Variants in TENT2 observed in about 807,000 individuals in gnomAD.
TENT2 encodes the protein terminal nucleotidyltransferase 2, also known as poly(A) RNA polymerase GLD2.
TENT2 carries 44 observed loss-of-function variants against 72.2 expected under a neutral mutation model. That is an observed-to-expected ratio of 0.61 (90% CI 0.48 to 0.78). TENT2 has a LOEUF of 0.78. TENT2 is among the 30% of genes least tolerant of loss of function. The pLI is 0.00. For missense variants in TENT2, 541 were observed against 569.6 expected (o/e 0.95, Z 0.51); for synonymous variants, 212 against 192.5 (o/e 1.10, Z -0.84).
intron 4 of TENT2, among the ~76,000 whole-genome samples, chr5:79,630,940 G>A (rs1212359289): frequency 1.3e-5 from 2 of 151,836 alleles, no homozygotes; most frequent in African/African-American, 4.8e-5. Context: ...AGTATTTCAA[G>A]TGAGAGGCAA....
intron 13 of TENT2, chr5:79,681,671 T>A: frequency 5.1e-6 from 1 of 194,762 alleles, no homozygotes; most frequent in Non-Finnish European, 1.0e-5. Context: ...TTCCTAAGGG[T>A]AGGTCTTTGA....
Position 79,645,372 on chromosome 5 carries a change from A to C in TENT2, c.821+180A>C, listed in dbSNP as rs955238982. ...AAAATTGAGCAATACTTTATGCTTA[A>C]CTGTACTTAGCTATTCTGCTTGACA... On this transcript the variant is annotated intron_variant, in intron 8 of 14. Coordinates refer to ENST00000453514, the MANE Select transcript of TENT2 (RefSeq NM_001114394.3). Among the ~76,000 whole-genome samples the C allele has an allele frequency of 3.3e-5, 5 of 152,284 alleles. No individual in the cohort carries two copies. The East Asian group carries it at 9.6e-4, about 29-fold the overall frequency.
intron 11 of TENT2, among the ~76,000 whole-genome samples, chr5:79,657,562 C>T (rs1465491916): frequency 6.6e-6 from 1 of 151,948 alleles, no homozygotes; most frequent in East Asian, 2.0e-4. Context: ...AGTGTGGCCA[C>T]TAGAAAAAAT....
At chr5:79,616,991 A>T (rs1454173349) in intron 1 of TENT2, among the ~76,000 whole-genome samples, 1 of 152,010 alleles carries the variant, frequency 6.6e-6, no homozygotes, top group Non-Finnish European at 1.5e-5. Flanking sequence ...GGGATTTATT[A>T]ATTTCTTCCC....
intron 10 of TENT2, among the ~76,000 whole-genome samples, chr5:79,655,746 G>GTTT (rs551151075): frequency 1.4e-5 from 2 of 144,024 alleles, no homozygotes; most frequent in African/African-American, 5.0e-5. Context: ...TAATGATTGA[G>GTTT]TTTTTTTTTT....
At chr5:79,617,372 C>T (rs1218821698) in intron 1 of TENT2, among the ~76,000 whole-genome samples, 1 of 151,606 alleles carries the variant, frequency 6.6e-6, no homozygotes, top group Admixed American at 6.6e-5. Context: ...GATTATATTG[C>T]CTTTTTTATA....
intron 9 of TENT2, 50 bp from the exon 10 acceptor site, chr5:79,649,012 A>C (rs1438018728): frequency 3.2e-6 from 5 of 1,581,550 alleles, no homozygotes; most frequent in Non-Finnish European, 4.3e-6. Context: ...GTAAACTTTC[A>C]AAGAAACTAT....
At chr5:79,640,674 T>C (rs553057686) in intron 4 of TENT2, among the ~76,000 whole-genome samples, 177 bp from the exon 5 acceptor site, 37 of 152,334 alleles carry the variant, frequency 2.4e-4, no homozygotes, top group African/African-American at 8.7e-4. Context: ...GTGTGGTTTT[T>C]CAGACCATTC....
In TENT2 at chr5:79,687,425, C is replaced by G. The variant is rs1826377309; in HGVS notation, c.*2152C>G. Among the ~76,000 whole-genome samples, 1 of 152,126 alleles carries G rather than the reference C, an allele frequency of 6.6e-6. No individual in the cohort carries two copies. The highest frequency in any genetic ancestry group is 1.5e-5 in the Non-Finnish European group (1 of 68,032). On this transcript the variant is annotated 3_prime_UTR_variant, in exon 15 of 15. Transcript: ENST00000453514. ...AGGTCAACCCCGTCCTCTTCAGATA[C>G]CAAAATCCACAGATACTCAAGTCCC...
chr5:79,640,797 A>G (rs1278471778), intron 4 of TENT2, 54 bp from the exon 5 acceptor site: 7 of 1,115,326 alleles, frequency 6.3e-6, no homozygotes, highest in South Asian at 1.4e-5. Context: ...CCATATAGCA[A>G]TTACTTTTAC....
intron 12 of TENT2, among the ~76,000 whole-genome samples, chr5:79,672,278 A>ATC (rs1813520786): frequency 6.6e-6 from 1 of 152,214 alleles, no homozygotes; most frequent in Non-Finnish European, 1.5e-5. Flanking sequence ...TAAATGGGGT[A>ATC]TCCATCACCT....
intron 11 of TENT2, among the ~76,000 whole-genome samples, chr5:79,664,468 G>A (rs1016686391): frequency 6.6e-6 from 1 of 151,854 alleles, no homozygotes; most frequent in Non-Finnish European, 1.5e-5. Flanking sequence ...GGAGGCACGC[G>A]CCTGTAGTCC....
chr5:79,651,298 T>C (rs187137334), intron 10 of TENT2, among the ~76,000 whole-genome samples: 1 of 152,120 alleles, frequency 6.6e-6, no homozygotes, highest in African/African-American at 2.4e-5. Flanking sequence ...TTTTTTCCTC[T>C]ACAAAAACAT....
Position 79,656,460 on chromosome 5 carries a change from G to A in TENT2, c.1028-498G>A, listed in dbSNP as rs527399316. Among the ~76,000 whole-genome samples, 41 of 151,886 alleles carry A rather than the reference G, an allele frequency of 2.7e-4. No homozygotes were observed. In the South Asian group the frequency reaches 7.7e-3, roughly 28 times the overall value. ...TTTTGTTGTTATTTGCAGTATATCAGTTTTCCTGAACGATTTCAATTTTGG... is the reference window on the plus strand; with the variant it reads ...TTTTGTTGTTATTTGCAGTATATCAATTTTCCTGAACGATTTCAATTTTGG... On this transcript the variant is annotated intron_variant, in intron 10 of 14. Coordinates refer to ENST00000453514, the MANE Select transcript of TENT2 (RefSeq NM_001114394.3).
At chr5:79,645,247 T>C (rs1787891007) in intron 8 of TENT2, 55 bp downstream of exon 8, 3 of 1,308,868 alleles carry the variant, frequency 2.3e-6, no homozygotes, top group Non-Finnish European at 3.2e-6. Flanking sequence ...TTTTAGATAC[T>C]CATCTGATAA....
chr5:79,649,040 T>G, intron 9 of TENT2, 22 bp from the exon 10 acceptor site: 1 of 1,610,546 alleles, frequency 6.2e-7, no homozygotes, highest in Non-Finnish European at 8.5e-7. Flanking sequence ...CTTACCATGT[T>G]AAGTTTTAAT....
intron 11 of TENT2, among the ~76,000 whole-genome samples, chr5:79,665,980 T>C (rs192473556): frequency 1.6e-4 from 25 of 151,862 alleles, no homozygotes; most frequent in Admixed American, 7.9e-4. Context: ...TTCTTTTTTT[T>C]TTTCTTTCTT....
At chr5:79,638,292 T>G (rs1561496663) in intron 4 of TENT2, among the ~76,000 whole-genome samples, 1 of 152,148 alleles carries the variant, frequency 6.6e-6, no homozygotes, top group Non-Finnish European at 1.5e-5. Flanking sequence ...ACCTACTAGA[T>G]GCCAGGGACC....
intron 4 of TENT2, among the ~76,000 whole-genome samples, chr5:79,627,505 GAC>G (rs1771333323): frequency 6.6e-6 from 1 of 151,956 alleles, no homozygotes; most frequent in African/African-American, 2.4e-5. Context: ...CGTTTTTTGA[GAC>G]AGAGTTTTGC....
Sources: allele counts gnomAD v4.1 joint callset (sites outside exome capture counted in the v4.1 genomes callset), GRCh38; gene constraint gnomAD v4.1.1; transcripts MANE v1.5; gene names NCBI Gene and HGNC (gene_info 2026-07-23, HGNC 2026-07-21).